NRG1: variants seen among roughly 807,000 people sequenced by gnomAD.
The protein encoded by NRG1 is neuregulin 1, also known as pro-neuregulin-1, membrane-bound isoform.
In NRG1, 18 loss-of-function variants were observed where a neutral mutation model predicts 63.8. That is an observed-to-expected ratio of 0.28 (90% CI 0.19 to 0.42). The LOEUF (loss-of-function observed/expected upper bound fraction) is 0.42. Ranked by LOEUF, NRG1 falls within the 10% of genes least tolerant of loss-of-function variation. NRG1 has a pLI of 1.00. For missense variants in NRG1, 762 were observed against 814.7 expected (o/e 0.94, Z 0.79); for synonymous variants, 302 against 301.3 (o/e 1.00, Z -0.02).
intron 1 of NRG1, among the ~76,000 whole-genome samples, chr8:32,463,332 C>T (rs1280655908): frequency 6.6e-6 from 1 of 152,134 alleles, no homozygotes; most frequent in East Asian, 1.9e-4. Context: ...ATTGCTGGAT[C>T]ATATGGTAGC....
chr8:31,931,763 G>A (rs1042031885), intron 1 of NRG1, among the ~76,000 whole-genome samples: 12 of 152,136 alleles, frequency 7.9e-5, no homozygotes, highest in African/African-American at 2.7e-4. Context: ...TCTTCCTACT[G>A]CAGACTCGGG....
chr8:32,220,761 G>C (rs1370303836), intron 1 of NRG1, among the ~76,000 whole-genome samples: 1 of 152,158 alleles, frequency 6.6e-6, no homozygotes, highest in Admixed American at 6.5e-5. Context: ...GCTCCTCCGC[G>C]GTCTCCCCCA....
At chr8:32,340,625 T>C (rs1803954748) in intron 1 of NRG1, among the ~76,000 whole-genome samples, 1 of 152,338 alleles carries the variant, frequency 6.6e-6, no homozygotes, top group African/African-American at 2.4e-5. Context: ...TCATTGTTTC[T>C]TTTAATACTC....
intron 1 of NRG1, among the ~76,000 whole-genome samples, chr8:32,511,203 C>T (rs572297180): frequency 1.3e-5 from 2 of 150,632 alleles, no homozygotes; most frequent in South Asian, 4.2e-4. Context: ...CATACATGTT[C>T]AAACAATTAT....
At chr8:31,949,422 C>T (rs1165608045) in intron 1 of NRG1, among the ~76,000 whole-genome samples, 1 of 152,188 alleles carries the variant, frequency 6.6e-6, no homozygotes, top group East Asian at 1.9e-4. Flanking sequence ...TAGGCTTCTG[C>T]CACTGCCATC....
In NRG1 at chr8:32,742,972, G is replaced by A; in HGVS notation, c.691+239G>A. 7.5e-7 allele frequency: 1 copy of A among 1,338,588 alleles called. No homozygotes were observed. Among genetic ancestry groups the A allele is most frequent in the Non-Finnish European group, 9.6e-7 (1 of 1,040,474 alleles). The allele number at this position is 1,338,588 out of a possible 1,614,324, so 82.9% of individuals were successfully genotyped here. On this transcript the variant is annotated intron_variant, in intron 7 of 11. Coordinates refer to ENST00000356819, the Ensembl canonical transcript of NRG1. The surrounding 1 kb of genome is among the most constrained non-coding windows in gnomAD (Gnocchi z 4.2). ...GGTGTGTGAGGCTCCGGATGTTTCT[G>A]GAATTGATATTGAATGATGTGATAC...
intron 5 of NRG1, among the ~76,000 whole-genome samples, chr8:32,638,193 T>G (rs1459445586): frequency 6.6e-6 from 1 of 152,194 alleles, no homozygotes. Context: ...TCCCAATAAC[T>G]TTTTTTCTTC....
chr8:32,388,780 A>G (rs1811344391), intron 1 of NRG1, among the ~76,000 whole-genome samples: 1 of 152,154 alleles, frequency 6.6e-6, no homozygotes, highest in African/African-American at 2.4e-5. Flanking sequence ...TAGGTGATAA[A>G]TTAGTAATAA....
At chr8:32,361,692 A>G (rs1288763855) in intron 1 of NRG1, among the ~76,000 whole-genome samples, 1 of 152,070 alleles carries the variant, frequency 6.6e-6, no homozygotes, top group Non-Finnish European at 1.5e-5. Flanking sequence ...GGAAACCTTG[A>G]GACAGCTGCT....
At chr8:32,297,132 T>G (rs1050997148) in intron 1 of NRG1, among the ~76,000 whole-genome samples, 1 of 152,034 alleles carries the variant, frequency 6.6e-6, no homozygotes, top group East Asian at 1.9e-4. Flanking sequence ...AAAAATTATA[T>G]TTATAATTAT....
At chr8:32,490,682 C>A (rs1826450342) in intron 1 of NRG1, among the ~76,000 whole-genome samples, 1 of 152,122 alleles carries the variant, frequency 6.6e-6, no homozygotes, top group African/African-American at 2.4e-5. Flanking sequence ...TGCCAGAGAC[C>A]AAAATCATTT....
chr8:31,893,503 ATATT>A (rs1831314341), intron 1 of NRG1, among the ~76,000 whole-genome samples: 1 of 151,590 alleles, frequency 6.6e-6, no homozygotes, highest in African/African-American at 2.4e-5. Context: ...TGTATATTAA[ATATT>A]TATATTAATC....
rs74407758 is a variant in NRG1 at position 32,092,608 on chromosome 8, T to G, written c.37+453177T>G. 3.1e-3 allele frequency among the ~76,000 whole-genome samples: 478 copies of G among 152,212 alleles called. 1 individual carries two copies. The highest frequency in any genetic ancestry group is 0.011 in the African/African-American group (461 of 41,540). ...GCTCCGGGCTCAGAAGATGGTGGAC[T>G]CTATAAAGAAGCCTCTTGAGGGAGT... On this transcript the variant is annotated intron_variant, in intron 1 of 10. Transcript: ENST00000519301.
In NRG1 at chr8:32,453,076, C is replaced by T. The variant is rs1821168843; in HGVS notation, c.38-142752C>T. 3.3e-5 allele frequency among the ~76,000 whole-genome samples: 5 copies of T among 152,302 alleles called. No individual in the cohort carries two copies. The South Asian group carries it at 1.0e-3, about 32-fold the overall frequency. On this transcript the variant is annotated intron_variant, in intron 1 of 10. Coordinates refer to the NRG1 transcript ENST00000519301. ...TTATGTTAATTTGTGTATGTACTGA[C>T]TTCCAGACATTTGGAACCAGATTCT...
intron 1 of NRG1, among the ~76,000 whole-genome samples, chr8:32,088,766 C>T (rs1828661823): frequency 6.6e-6 from 1 of 152,074 alleles, no homozygotes; most frequent in Non-Finnish European, 1.5e-5. Context: ...GATCCTCCTG[C>T]CTCGGCGTCC....
chr8:31,970,962 T>G (rs1038176470), intron 1 of NRG1, among the ~76,000 whole-genome samples: 2 of 151,702 alleles, frequency 1.3e-5, no homozygotes, highest in African/African-American at 4.8e-5. Flanking sequence ...GAGAATGGCG[T>G]GAACCCGGGA....
intron 1 of NRG1, among the ~76,000 whole-genome samples, chr8:32,375,151 G>GT (rs11344585): frequency 4.2e-4 from 64 of 150,934 alleles, no homozygotes; most frequent in Middle Eastern, 3.4e-3. Context: ...CCTGGATATA[G>GT]TTTTTTTTTT....
chr8:32,744,197 T>C (rs1314698868), intron 7 of NRG1, among the ~76,000 whole-genome samples: 2 of 152,160 alleles, frequency 1.3e-5, no homozygotes, highest in Non-Finnish European at 2.9e-5. Flanking sequence ...CCTGTTAACA[T>C]AGAAGTTTCC....
At chr8:31,714,331 AT>A (rs532153490) in intron 1 of NRG1, among the ~76,000 whole-genome samples, 1 of 150,840 alleles carries the variant, frequency 6.6e-6, no homozygotes, top group Non-Finnish European at 1.5e-5. Flanking sequence ...TTTTATTAAG[AT>A]TTTTTTTGTA....
Sources: allele counts gnomAD v4.1 joint callset (sites outside exome capture counted in the v4.1 genomes callset), GRCh38; gene constraint gnomAD v4.1.1; non-coding constraint Gnocchi (gnomAD v3.1); transcripts MANE v1.5; gene names NCBI Gene and HGNC (gene_info 2026-07-23, HGNC 2026-07-21).